Variants in SLC30A9 observed in about 807,000 individuals in gnomAD.
SLC30A9 encodes the protein proton-coupled zinc antiporter SLC30A9, mitochondrial.
A neutral mutation model predicts 87.5 loss-of-function variants in SLC30A9; 58 were observed. The ratio of observed to expected loss-of-function variants is 0.66; its 90% CI spans 0.54 to 0.82. SLC30A9 has a LOEUF of 0.82. SLC30A9 is among the 40% of genes least tolerant of loss of function. The probability of loss-of-function intolerance (pLI) is 0.00; values close to 1 mark genes in which losing one functional copy is unlikely to be tolerated. For missense variants in SLC30A9, 557 were observed against 679.1 expected (o/e 0.82, Z 2.00); for synonymous variants, 234 against 233.0 (o/e 1.00, Z -0.04).
Position 42,037,309 on chromosome 4 carries a change from A to G in SLC30A9, c.670-1677A>G, listed in dbSNP as rs111313516. Among the ~76,000 whole-genome samples the G allele has an allele frequency of 1.7e-3, 153 of 88,452 alleles. 1 individual carries two copies. Among genetic ancestry groups the G allele is most frequent in the African/African-American group, 5.2e-3 (146 of 27,934 alleles). The allele number at this position is 88,452 out of a possible 152,430, so 58.0% of individuals were successfully genotyped here. ...ACCCAGACACTTGTTTTTCCAATATATTCTTATCTCATGAGAACTCCAATA... is the reference window on the plus strand; with the variant it reads ...ACCCAGACACTTGTTTTTCCAATATGTTCTTATCTCATGAGAACTCCAATA... On this transcript the variant is annotated intron_variant, in intron 7 of 17. Transcript: ENST00000264451.
intron 9 of SLC30A9, among the ~76,000 whole-genome samples, chr4:42,053,695 CAAAAAAAAAAAA>C (rs56190460): frequency 2.7e-4 from 15 of 55,926 alleles, no homozygotes; most frequent in African/African-American, 8.5e-4. Flanking sequence ...ACTCGGTCTC[CAAAAAAAAAAAA>C]AAAAAAAAAA....
rs373400326 is a variant in SLC30A9, at chr4:42,055,303, T to A, written c.841-4888T>A. Among the ~76,000 whole-genome samples, 300 of 152,364 alleles carry A rather than the reference T, an allele frequency of 2.0e-3. 15 individuals are homozygous for A. In the South Asian group the frequency reaches 0.059, roughly 30 times the overall value. ...CATTGTAATATTTTTATGCCATATG[T>A]TTTCCCTCACTTCTTGAGAGACTTA... On this transcript the variant is annotated intron_variant, in intron 9 of 17. Transcript: ENST00000264451.
intron 9 of SLC30A9, among the ~76,000 whole-genome samples, chr4:42,053,858 G>C (rs947468607): frequency 1.3e-5 from 2 of 152,110 alleles, no homozygotes; most frequent in African/African-American, 2.4e-5. Context: ...AAAAGGGAAT[G>C]AAGTACTTTT....
chr4:42,070,202 T>G (rs12647092), intron 14 of SLC30A9: 119,883 of 190,112 alleles, frequency 0.63, 43,897 homozygotes, highest in East Asian at 0.96. Context: ...TATGGATATA[T>G]CTAAAAGAAA....
intron 9 of SLC30A9, among the ~76,000 whole-genome samples, chr4:42,052,685 TG>T (rs1283847621): frequency 6.6e-6 from 1 of 152,180 alleles, no homozygotes; most frequent in Non-Finnish European, 1.5e-5. Flanking sequence ...TGGATCCATA[TG>T]GGGAGAAAAA....
chr4:42,078,396 A>G, intron 17 of SLC30A9, 71 bp downstream of exon 17: 3 of 752,896 alleles, frequency 4.0e-6, no homozygotes, highest in Middle Eastern at 2.3e-4. Context: ...TCTACAGCAG[A>G]CACTAAGTGC....
chr4:42,084,349 A>G (rs2153141727), intron 17 of SLC30A9, among the ~76,000 whole-genome samples: 1 of 152,298 alleles, frequency 6.6e-6, no homozygotes, highest in South Asian at 2.1e-4. Flanking sequence ...ATAGGTGTAG[A>G]TTTAGTTCTT....
intron 10 of SLC30A9, among the ~76,000 whole-genome samples, chr4:42,061,822 C>T (rs1462444503): frequency 2.0e-5 from 3 of 151,858 alleles, no homozygotes; most frequent in South Asian, 2.1e-4. Flanking sequence ...GTCGCTTGAA[C>T]TCAGGAGGCG....
Position 42,086,298 on chromosome 4 carries a change from A to AACT in SLC30A9, c.*179_*181dup, listed in dbSNP as rs1718924279. The stretch of plus-strand genomic sequence containing the variant: ...GCAACTCAGCAGGACACAGAACTAA[A>AACT]ACTACTACTTACATCTAACAGACAC... On this transcript the variant is annotated 3_prime_UTR_variant, in exon 18 of 18. Coordinates refer to ENST00000264451, the MANE Select transcript of SLC30A9 (RefSeq NM_006345.4). 3 of 413,872 alleles carry AACT rather than the reference A, an allele frequency of 7.2e-6. No individual in the cohort carries two copies. The highest frequency in any genetic ancestry group is 4.1e-5 in the Admixed American group (1 of 24,664). 25.6% of individuals were successfully genotyped at this position (413,872 alleles called of 1,614,324 possible). A position where few individuals can be genotyped will look rare whatever the true frequency, so the allele number is the denominator to read the frequency against.
chr4:42,035,308 A>T lies in SLC30A9; in HGVS notation c.644A>T (p.Tyr215Phe). ...LFRNQKILREYRDFLGNTKPR... is the reference protein window; with the variant it reads ...LFRNQKILREFRDFLGNTKPR... ...AGAAACCAAAAAATATTAAGAGAAT[A>T]CAGAGATTTCTTGGGAAATACCAAG... is the stretch of plus-strand genomic sequence containing the variant. Residue 215 changes from tyrosine to phenylalanine, a missense_variant, in exon 7 of 18, where the codon TAC becomes TTC. Coordinates refer to ENST00000264451, the MANE Select transcript of SLC30A9 (RefSeq NM_006345.4). The T allele has an allele frequency of 6.2e-7, 1 of 1,602,784 alleles. No individual in the cohort carries two copies. The highest frequency in any genetic ancestry group is 8.5e-7 in the Non-Finnish European group (1 of 1,172,122).
At chr4:42,068,217 A>G (rs1179317649) in intron 14 of SLC30A9, among the ~76,000 whole-genome samples, 1 of 150,834 alleles carries the variant, frequency 6.6e-6, no homozygotes, top group Non-Finnish European at 1.5e-5. Flanking sequence ...TGTTTTTGTG[A>G]CCAGAAATAT....
At chr4:42,015,810 A>G (rs372652368) in intron 2 of SLC30A9, among the ~76,000 whole-genome samples, 38 of 152,016 alleles carry the variant, frequency 2.5e-4, no homozygotes, top group African/African-American at 8.7e-4. Context: ...TGTTTTCAGG[A>G]GGTTCCAGTG....
At chr4:42,002,658 A>G (rs1265440807) in intron 2 of SLC30A9, among the ~76,000 whole-genome samples, 1 of 152,016 alleles carries the variant, frequency 6.6e-6, no homozygotes, top group African/African-American at 2.4e-5. Flanking sequence ...TACCATATTT[A>G]CTTTATCCAG....
chr4:42,051,586 TA>T (rs199795849), intron 9 of SLC30A9, among the ~76,000 whole-genome samples: 4 of 152,072 alleles, frequency 2.6e-5, no homozygotes, highest in Non-Finnish European at 5.9e-5. Flanking sequence ...CTTTTAGAGC[TA>T]AAAAAATATA....
At chr4:42,072,361 T>C (rs923244684) in intron 15 of SLC30A9, among the ~76,000 whole-genome samples, 27 of 152,072 alleles carry the variant, frequency 1.8e-4, no homozygotes, top group Admixed American at 1.8e-3. Context: ...AGCTTTTAAT[T>C]TGATGTTTCT....
intron 17 of SLC30A9, among the ~76,000 whole-genome samples, chr4:42,081,513 G>A (rs187069051): frequency 2.8e-4 from 43 of 152,268 alleles, no homozygotes; most frequent in Non-Finnish European, 5.7e-4. Context: ...CCCTAAAAAG[G>A]TCTCAGGACC....
At chr4:42,030,940 C>A (rs914216136) in intron 6 of SLC30A9, among the ~76,000 whole-genome samples, 8 of 151,938 alleles carry the variant, frequency 5.3e-5, no homozygotes, top group Admixed American at 2.0e-4. Flanking sequence ...TTCCTTTTTT[C>A]CTTTCTGGGG....
chr4:42,076,289 C>T (rs879845012), intron 16 of SLC30A9, among the ~76,000 whole-genome samples: 14 of 152,132 alleles, frequency 9.2e-5, no homozygotes, highest in Non-Finnish European at 1.8e-4. Flanking sequence ...AGTGTATTTG[C>T]TTAAGGTCTT....
intron 17 of SLC30A9, among the ~76,000 whole-genome samples, chr4:42,081,860 C>G (rs1718750131): frequency 6.6e-6 from 1 of 152,116 alleles, no homozygotes; most frequent in Admixed American, 6.5e-5. Flanking sequence ...TTATGTAAGT[C>G]TTTCAAACCA....
Sources: gnomAD v4.1 joint callset for allele counts (sites outside exome capture counted in the v4.1 genomes callset) on GRCh38, gnomAD v4.1.1 for gene constraint, MANE v1.5 for transcripts, NCBI Gene and HGNC (gene_info 2026-07-23, HGNC 2026-07-21) for gene names.